The following TDRD3 variants were observed in gnomAD, a reference collection of about 807,000 sequenced individuals.
The protein encoded by TDRD3 is tudor domain-containing protein 3.
In TDRD3, 45 loss-of-function variants were observed where a neutral mutation model predicts 86.7. The ratio of observed to expected loss-of-function variants is 0.52; its 90% CI spans 0.41 to 0.67. TDRD3 has a LOEUF of 0.67. Ranked by LOEUF, TDRD3 falls within the 30% of genes least tolerant of loss-of-function variation. The pLI is 0.00. For missense variants in TDRD3, 814 were observed against 889.0 expected (o/e 0.92, Z 1.07); for synonymous variants, 298 against 301.7 (o/e 0.99, Z 0.13).
chr13:60,412,703 T>A (rs950639522), intron 1 of TDRD3, among the ~76,000 whole-genome samples: 1 of 152,174 alleles, frequency 6.6e-6, no homozygotes, highest in African/African-American at 2.4e-5. Context: ...ATTGGCCAAC[T>A]GCTTGATTTT....
intron 10 of TDRD3, among the ~76,000 whole-genome samples, chr13:60,519,233 T>C (rs183909066): frequency 6.6e-6 from 1 of 152,338 alleles, no homozygotes; most frequent in Admixed American, 6.5e-5. Context: ...GTGTCATTTA[T>C]TGAGCATCTG....
At chr13:60,439,831 A>T (rs1428493845) in intron 2 of TDRD3, 59 bp downstream of exon 2, 1 of 1,238,752 alleles carries the variant, frequency 8.1e-7, no homozygotes. Flanking sequence ...TTCATAAAAA[A>T]GTCTCAGAGT....
intron 12 of TDRD3, chr13:60,547,297 G>C (rs1183939694): frequency 1.0e-6 from 1 of 985,266 alleles, no homozygotes; most frequent in Non-Finnish European, 1.2e-6. Flanking sequence ...TTGGTGAAAA[G>C]GGATCTCTGA....
At chr13:60,512,525 T>A (rs2137672972) in intron 10 of TDRD3, among the ~76,000 whole-genome samples, 1 of 152,308 alleles carries the variant, frequency 6.6e-6, no homozygotes, top group South Asian at 2.1e-4. Flanking sequence ...CTCTTCTGCC[T>A]AAGAGCCTGA....
At chr13:60,514,036 A>G (rs910169717) in intron 10 of TDRD3, among the ~76,000 whole-genome samples, 4 of 152,228 alleles carry the variant, frequency 2.6e-5, no homozygotes, top group African/African-American at 7.2e-5. Flanking sequence ...AATGTGGGAA[A>G]GTTTGGAACT....
chr13:60,570,050 CA>C (rs759549340), intron 13 of TDRD3, among the ~76,000 whole-genome samples: 132 of 152,106 alleles, frequency 8.7e-4, no homozygotes, highest in Non-Finnish European at 1.4e-3. Flanking sequence ...GCAACCAAAG[CA>C]AAAATGAACA....
intron 11 of TDRD3, 147 bp downstream of exon 11, chr13:60,529,364 AAGG>A: frequency 1.3e-6 from 1 of 790,464 alleles, no homozygotes; most frequent in Non-Finnish European, 1.8e-6. Flanking sequence ...TAGATATATA[AAGG>A]ATAAACAAAA....
At chr13:60,464,583 C>CAT (rs920383628) in intron 4 of TDRD3, among the ~76,000 whole-genome samples, 8 of 151,992 alleles carry the variant, frequency 5.3e-5, no homozygotes, top group Non-Finnish European at 1.2e-4. Context: ...CACACACACA[C>CAT]ATACACACAC....
chr13:60,448,629 T>C (rs1181161475), intron 3 of TDRD3, among the ~76,000 whole-genome samples: 1 of 152,074 alleles, frequency 6.6e-6, no homozygotes, highest in Non-Finnish European at 1.5e-5. Flanking sequence ...GCTGTAAAAA[T>C]TGTGACTGGA....
At chr13:60,452,974 G>A (rs1293459536) in intron 3 of TDRD3, among the ~76,000 whole-genome samples, 1 of 151,700 alleles carries the variant, frequency 6.6e-6, no homozygotes, top group Non-Finnish European at 1.5e-5. Context: ...TGTTGTTATT[G>A]TATTTTTAGT....
At chr13:60,480,322 C>T (rs182374245) in intron 5 of TDRD3, among the ~76,000 whole-genome samples, 4 of 152,248 alleles carry the variant, frequency 2.6e-5, no homozygotes, top group Admixed American at 2.6e-4. Context: ...AAATAGGCCC[C>T]ACTCTCTTTT....
intron 1 of TDRD3, among the ~76,000 whole-genome samples, chr13:60,410,173 T>G (rs767992775): frequency 6.6e-5 from 10 of 152,192 alleles, no homozygotes; most frequent in Non-Finnish European, 1.0e-4. Flanking sequence ...CTGTAAGTCC[T>G]GTTAAACCTC....
At chr13:60,461,160 G>A (rs1292996068) in intron 4 of TDRD3, 4 of 151,974 alleles carry the variant, frequency 2.6e-5, no homozygotes, top group Admixed American at 6.5e-5. Context: ...TTAAAAATAC[G>A]GTTTCATCCT....
chr13:60,445,347 C>A (rs541962672), intron 3 of TDRD3, among the ~76,000 whole-genome samples: 6 of 152,196 alleles, frequency 3.9e-5, no homozygotes, highest in Non-Finnish European at 8.8e-5. Context: ...TGGTTACCTT[C>A]CTTTGTAAAT....
At chr13:60,440,080 A>T (rs1017436698) in intron 2 of TDRD3, among the ~76,000 whole-genome samples, 34 of 152,180 alleles carry the variant, frequency 2.2e-4, no homozygotes, top group African/African-American at 7.7e-4. Flanking sequence ...AAAACTGACT[A>T]TTCATTAAAA....
intron 1 of TDRD3, among the ~76,000 whole-genome samples, chr13:60,421,819 A>C (rs1954668420): frequency 6.6e-6 from 1 of 152,226 alleles, no homozygotes; most frequent in Admixed American, 6.5e-5. Flanking sequence ...CTCGAAAAAA[A>C]CTACAGAAAA....
chr13:60,538,209 C>G (rs1957737994), intron 12 of TDRD3: 1 of 151,926 alleles, frequency 6.6e-6, no homozygotes, highest in African/African-American at 2.4e-5. Context: ...AGAACATACT[C>G]AGGGAGTATA....
At chr13:60,407,837 C>A (rs1375325767) in intron 1 of TDRD3, among the ~76,000 whole-genome samples, 1 of 152,196 alleles carries the variant, frequency 6.6e-6, no homozygotes, top group Non-Finnish European at 1.5e-5. Context: ...TGTGTTCCGA[C>A]CCAAATCTCA....
intron 12 of TDRD3, among the ~76,000 whole-genome samples, chr13:60,540,088 A>T (rs1957776941): frequency 6.6e-6 from 1 of 152,136 alleles, no homozygotes; most frequent in South Asian, 2.1e-4. Flanking sequence ...ATTTTTACTG[A>T]TAAGTTCTTA....
Sources: gnomAD v4.1 joint callset for allele counts (sites outside exome capture counted in the v4.1 genomes callset) on GRCh38, gnomAD v4.1.1 for gene constraint, MANE v1.5 for transcripts, NCBI Gene and HGNC (gene_info 2026-07-23, HGNC 2026-07-21) for gene names.